Variants in UGT1A3 observed in about 807,000 individuals in gnomAD.
UGT1A3 encodes UDP-glucuronosyltransferase 1A3.
Under a neutral mutation model 41.0 loss-of-function variants are expected in UGT1A3, and 31 were observed. That is an observed-to-expected ratio of 0.76 (90% CI 0.57 to 1.02). The LOEUF (loss-of-function observed/expected upper bound fraction) is 1.02, where lower values mean the gene tolerates loss of function less well. Among genes scored for constraint, UGT1A3 ranks in the 50% least tolerant of loss-of-function variants. UGT1A3 has a pLI of 0.00. For missense variants in UGT1A3, 737 were observed against 671.0 expected, an observed-to-expected ratio of 1.10 and a Z score of -1.09; for synonymous variants, 262 against 257.6, an observed-to-expected ratio of 1.02 and a Z score of -0.17.
intron 1 of UGT1A3, among the ~76,000 whole-genome samples, chr2:233,740,349 G>A (rs1165997956): frequency 2.0e-5 from 3 of 151,880 alleles, no homozygotes; most frequent in South Asian, 2.1e-4. Flanking sequence ...ATGAGAAAGT[G>A]GAATTAGAAA....
intron 1 of UGT1A3, among the ~76,000 whole-genome samples, chr2:233,763,394 A>G (rs567930530): frequency 6.6e-6 from 1 of 152,328 alleles, no homozygotes; most frequent in South Asian, 2.1e-4. Context: ...TTTAAACAAC[A>G]TGGCACTGGT....
intron 1 of UGT1A3, among the ~76,000 whole-genome samples, chr2:233,752,970 T>C (rs1695100679): frequency 2.0e-5 from 3 of 152,220 alleles, no homozygotes; most frequent in South Asian, 2.1e-4. Context: ...ATGTAACCAA[T>C]TGTGTAGATA....
In UGT1A3 at chr2:233,743,574, A is replaced by T. The variant is rs763461022; in HGVS notation, c.867+13581A>T. ...AAAATATTCTCCAGCGGGTTTCCCA[A>T]GAGGTCAAAGGAGAATGGGTCCTGG... is the stretch of plus-strand genomic sequence containing the variant. On this transcript the variant is annotated intron_variant, in intron 1 of 4. Coordinates refer to ENST00000482026, the MANE Select transcript of UGT1A3 (RefSeq NM_019093.4). 5 of 1,367,184 alleles carry T rather than the reference A, an allele frequency of 3.7e-6. No individual in the cohort carries two copies. The East Asian group carries it at 2.3e-4, about 62-fold the overall frequency. The allele number at this position is 1,367,184 out of a possible 1,614,324, so 84.7% of individuals were successfully genotyped here. A position where few individuals can be genotyped will look rare whatever the true frequency, so the allele number is the denominator to read the frequency against.
At chr2:233,743,656 G>C (rs528527073) in intron 1 of UGT1A3, 2 of 1,367,266 alleles carry the variant, frequency 1.5e-6, no homozygotes, top group Non-Finnish European at 2.0e-6. Context: ...AGACGTACTC[G>C]AAGGGGTCCT....
Position 233,760,817 on chromosome 2 carries a change from G to A in UGT1A3, c.868-6217G>A, listed in dbSNP as rs1373930486. 1 of 1,613,516 alleles carries A rather than the reference G, an allele frequency of 6.2e-7. No individual in the cohort carries two copies. Among genetic ancestry groups the A allele is most frequent in the South Asian group, 1.1e-5 (1 of 91,054 alleles). ...GTATTCTTCTTGCATGCACTGCCAT[G>A]CAGCCTGGAATTTGAGGCTACCCAG... On this transcript the variant is annotated intron_variant, in intron 1 of 4. Transcript: ENST00000482026.
At chr2:233,755,288 C>T in intron 1 of UGT1A3, 1 of 652,734 alleles carries the variant, frequency 1.5e-6, no homozygotes, top group Non-Finnish European at 2.4e-6. Flanking sequence ...GCCAAAGAGC[C>T]TGCGGGGCAC....
At position 233,772,877 on chromosome 2, in the gene UGT1A3, G is replaced by C; in HGVS notation, c.*318G>C. The C allele has an allele frequency of 1.7e-6, 1 of 579,394 alleles. No homozygotes were observed. Among genetic ancestry groups the C allele is most frequent in the South Asian group, 2.3e-5 (1 of 42,896 alleles). The allele number at this position is 579,394 out of a possible 1,614,324, so 35.9% of individuals were successfully genotyped here. ...TGAAACATGGCCTGTTTGGGAGTGC[G>C]GGATTCAAAGGTGGTCCCACGGCTG... On this transcript the variant is annotated 3_prime_UTR_variant, in exon 5 of 5. Coordinates refer to ENST00000482026, the MANE Select transcript of UGT1A3 (RefSeq NM_019093.4).
chr2:233,750,334 A>C (rs1004492838), intron 1 of UGT1A3, among the ~76,000 whole-genome samples: 1 of 151,972 alleles, frequency 6.6e-6, no homozygotes, highest in Non-Finnish European at 1.5e-5. Context: ...CTTCAGAGAG[A>C]TGATCTGAAA....
chr2:233,735,210 C>T (rs1481104383), intron 1 of UGT1A3, among the ~76,000 whole-genome samples: 2 of 152,078 alleles, frequency 1.3e-5, no homozygotes, highest in Non-Finnish European at 2.9e-5. Context: ...GTATTGGGTG[C>T]ATATATATTT....
At position 233,772,978 on chromosome 2, in the gene UGT1A3, T is replaced by C. The variant is rs34942353; in HGVS notation, c.*419T>C. On this transcript the variant is annotated 3_prime_UTR_variant, in exon 5 of 5. Coordinates refer to ENST00000482026, the MANE Select transcript of UGT1A3 (RefSeq NM_019093.4). ...GTTGCAATTGATCCTTAACCAATAATGGTCAGTCCTCATCTCTGTCGTGCT... is the reference window on the plus strand; with the variant it reads ...GTTGCAATTGATCCTTAACCAATAACGGTCAGTCCTCATCTCTGTCGTGCT... 9.7e-5 allele frequency: 29 copies of C among 299,424 alleles called. No homozygotes were observed. The East Asian group carries it at 2.0e-3, about 21-fold the overall frequency. 18.5% of individuals were successfully genotyped at this position (299,424 alleles called of 1,614,324 possible).
chr2:233,737,322 T>C (rs904493315), intron 1 of UGT1A3, among the ~76,000 whole-genome samples: 1 of 152,214 alleles, frequency 6.6e-6, no homozygotes, highest in Admixed American at 6.5e-5. Flanking sequence ...ACTGCTGCAC[T>C]AGCAGTGAGC....
At chr2:233,768,085 C>T (rs1699559246) in intron 3 of UGT1A3, 135 bp from the exon 4 acceptor site, 1 of 1,591,380 alleles carries the variant, frequency 6.3e-7, no homozygotes, top group East Asian at 2.2e-5. Context: ...TATCTCAACC[C>T]ACATTTTCTT....
In UGT1A3 at chr2:233,729,406, C is replaced by T. The variant is rs761312102; in HGVS notation, c.280C>T (p.Leu94=). 2.5e-6 allele frequency: 4 copies of T among 1,613,662 alleles called. No individual in the cohort carries two copies. The East Asian group carries it at 6.7e-5, about 27-fold the overall frequency. ...WTQDEFDRHV[L]GHTQLYFETE... ...CCAGGATGAATTTGATCGCCATGTG[C>T]TGGGCCACACTCAACTGTACTTTGA... Residue 94 remains leucine (L), a synonymous_variant, in exon 1 of 5, where the codon CTG becomes TTG. Coordinates refer to ENST00000482026, the MANE Select transcript of UGT1A3 (RefSeq NM_019093.4).
intron 1 of UGT1A3, chr2:233,760,696 A>G (rs1165584842): frequency 6.2e-7 from 1 of 1,614,168 alleles, no homozygotes; most frequent in South Asian, 1.1e-5. Context: ...CAAGGAGCTC[A>G]TGGCCTCCCT....
intron 1 of UGT1A3, among the ~76,000 whole-genome samples, chr2:233,733,416 G>A (rs570726599): frequency 2.1e-4 from 32 of 152,222 alleles, no homozygotes; most frequent in African/African-American, 7.5e-4. Context: ...TCCAGTTTTC[G>A]CCTACTCAGT....
chr2:233,744,930 A>G (rs1692966910), intron 1 of UGT1A3, among the ~76,000 whole-genome samples: 1 of 151,906 alleles, frequency 6.6e-6, no homozygotes, highest in African/African-American at 2.4e-5. Flanking sequence ...CTTTTATAAA[A>G]TGACACAGTA....
At position 233,729,230 on chromosome 2, in the gene UGT1A3, C is replaced by T; in HGVS notation, c.104C>T (p.Pro35Leu). The T allele has an allele frequency of 1.2e-6, 2 of 1,614,168 alleles. No individual in the cohort carries two copies. Among genetic ancestry groups the T allele is most frequent in the Non-Finnish European group, 1.7e-6 (2 of 1,180,018 alleles). The stretch of plus-strand genomic sequence containing the variant: ...GAGAGTGGAAAGGTGTTGGTGGTGC[C>T]CATTGATGGCAGCCACTGGCTCAGC... Reference protein sequence around the residue: ...WAESGKVLVVPIDGSHWLSMR... With the variant: ...WAESGKVLVVLIDGSHWLSMR... The change falls in exon 1 of 5, where the codon CCC becomes CTC. Residue 35 changes from proline to leucine, a missense_variant. Physicochemically the swap from Pro to Leu is moderately conservative, Grantham distance 98. Transcript: ENST00000482026.
At chr2:233,733,439 G>T (rs1332999216) in intron 1 of UGT1A3, among the ~76,000 whole-genome samples, 5 of 152,168 alleles carry the variant, frequency 3.3e-5, no homozygotes, top group Non-Finnish European at 7.3e-5. Context: ...GATATTGGCT[G>T]CGGGTTTGTC....
At chr2:233,761,247 T>C (rs1300927004) in intron 1 of UGT1A3, 16 of 1,609,136 alleles carry the variant, frequency 9.9e-6, no homozygotes, top group African/African-American at 1.3e-5. Flanking sequence ...GAGCAAGCAT[T>C]CTGAGATAAT....
Sources: allele counts gnomAD v4.1 joint callset (sites outside exome capture counted in the v4.1 genomes callset), GRCh38; gene constraint gnomAD v4.1.1; transcripts MANE v1.5; gene names NCBI Gene and HGNC (gene_info 2026-07-23, HGNC 2026-07-21).